The following SH3KBP1 variants were observed in gnomAD, a reference collection of about 807,000 sequenced individuals.
SH3KBP1 encodes SH3 domain containing kinase binding protein 1.
In SH3KBP1, 8 loss-of-function variants were observed where a neutral mutation model predicts 50.1. That is an observed-to-expected ratio of 0.16 (90% CI 0.09 to 0.29). SH3KBP1 has a LOEUF of 0.29. Among genes scored for constraint, SH3KBP1 ranks in the 10% least tolerant of loss-of-function variants. The pLI, the probability that SH3KBP1 is intolerant of heterozygous loss-of-function variation, is 1.00. For missense variants in SH3KBP1, 377 were observed against 535.2 expected, an observed-to-expected ratio of 0.70 and a Z score of 2.92; for synonymous variants, 227 against 218.6, an observed-to-expected ratio of 1.04 and a Z score of -0.34.
intron 2 of SH3KBP1, among the ~76,000 whole-genome samples, chrX:19,804,734 T>C (rs2066983202): frequency 9.2e-6 from 1 of 108,339 alleles, no homozygotes; most frequent in Non-Finnish European, 1.9e-5. Context: ...TTGTTTAAAC[T>C]CCCCCAGGTG....
intron 3 of SH3KBP1, among the ~76,000 whole-genome samples, chrX:19,725,740 T>A (rs1030578613): frequency 7.2e-5 from 8 of 111,527 alleles, no homozygotes; most frequent in Non-Finnish European, 1.1e-4. Flanking sequence ...CCCCTGCACT[T>A]CCCCACTGGA....
chrX:19,634,791 A>G, intron 7 of SH3KBP1, among the ~76,000 whole-genome samples: 1 of 112,126 alleles, frequency 8.9e-6, no homozygotes, highest in Non-Finnish European at 1.9e-5. Context: ...GGACCAGCTA[A>G]GGAGGGGAGA....
intron 3 of SH3KBP1, among the ~76,000 whole-genome samples, chrX:19,727,833 A>C (rs756031283): frequency 9.0e-6 from 1 of 111,644 alleles, no homozygotes; most frequent in East Asian, 2.8e-4. Context: ...AAAATACAAA[A>C]ACGTGCTGGG....
intron 2 of SH3KBP1, among the ~76,000 whole-genome samples, chrX:19,822,658 T>C (rs1418547719): frequency 1.8e-5 from 2 of 112,398 alleles, no homozygotes; most frequent in East Asian, 2.8e-4. Flanking sequence ...TATCTGTTGA[T>C]TGGCTTTTCT....
chrX:19,576,798 T>C lies in SH3KBP1; in HGVS notation c.1299-7610A>G, dbSNP rs778634901. Among the ~76,000 whole-genome samples, 9 of 111,817 alleles carry C rather than the reference T, an allele frequency of 8.0e-5. No homozygotes were observed. The South Asian group carries it at 3.4e-3, about 42-fold the overall frequency. On this transcript the variant is annotated intron_variant, in intron 12 of 17. Transcript: ENST00000397821. ...CGCAGCCCCTTGAGTGAAGGGCTCATTGCCCCTACTGCCTGCTGGGAGTGC... is the reference window on the plus strand; with the variant it reads ...CGCAGCCCCTTGAGTGAAGGGCTCACTGCCCCTACTGCCTGCTGGGAGTGC...
intron 1 of SH3KBP1, among the ~76,000 whole-genome samples, chrX:19,868,265 C>T (rs1054921272): frequency 2.3e-4 from 26 of 111,767 alleles, no homozygotes; most frequent in Middle Eastern, 4.6e-3. Flanking sequence ...CTGTTAGCTT[C>T]GCTGAGGAAG....
intron 2 of SH3KBP1, among the ~76,000 whole-genome samples, chrX:19,811,174 A>C (rs1369637763): frequency 8.9e-6 from 1 of 111,819 alleles, no homozygotes; most frequent in Non-Finnish European, 1.9e-5. Flanking sequence ...TACAGAAATA[A>C]GGATTGAATT....
intron 9 of SH3KBP1, among the ~76,000 whole-genome samples, chrX:19,602,471 T>C (rs2067118776): frequency 8.9e-6 from 1 of 112,001 alleles, no homozygotes; most frequent in Non-Finnish European, 1.9e-5. Context: ...GCTGAGTCAA[T>C]AGGCCATACT....
At chrX:19,761,633 T>C (rs1444864774) in intron 2 of SH3KBP1, among the ~76,000 whole-genome samples, 1 of 111,166 alleles carries the variant, frequency 9.0e-6, no homozygotes. Flanking sequence ...AGAGCAGCAA[T>C]GAATATTATT....
In SH3KBP1 at chrX:19,887,517, G is replaced by A; in HGVS notation, c.-207C>T. On this transcript the variant is annotated 5_prime_UTR_variant, in exon 1 of 18. Coordinates refer to ENST00000397821, the MANE Select transcript of SH3KBP1 (RefSeq NM_031892.3). ...TGCTGCTGCTGCCGCTGCTGCCCCG[G>A]GGCGACTCCTGCTGCTGCTGTTGCA... is the stretch of plus-strand genomic sequence containing the variant. 7.4e-6 allele frequency: 2 copies of A among 272,026 alleles called. No individual in the cohort carries two copies. Among genetic ancestry groups the A allele is most frequent in the Admixed American group, 1.4e-4 (2 of 14,454 alleles). The allele number at this position is 272,026 out of a possible 1,213,427, so 22.4% of individuals were successfully genotyped here.
At position 19,566,591 on chromosome X, in the gene SH3KBP1, C is replaced by T. The variant is rs754447820; in HGVS notation, c.1384+2512G>A. Among the ~76,000 whole-genome samples, 316 of 111,554 alleles carry T rather than the reference C, an allele frequency of 2.8e-3. 3 individuals are homozygous for T. Among genetic ancestry groups the T allele is most frequent in the African/African-American group, 9.9e-3 (303 of 30,674 alleles). ...AAAACAGGGCCCAAATACGAAACTG[C>T]GGTGGTAGAACCGGAACTTAGGCTC... On this transcript the variant is annotated intron_variant, in intron 13 of 17. Transcript: ENST00000397821.
At chrX:19,730,593 C>T (rs2064347939) in intron 3 of SH3KBP1, among the ~76,000 whole-genome samples, 1 of 111,795 alleles carries the variant, frequency 8.9e-6, no homozygotes, top group Non-Finnish European at 1.9e-5. Context: ...GGATTGTCAC[C>T]TCCCTGCTCT....
chrX:19,768,879 T>A (rs2065696370), intron 2 of SH3KBP1, among the ~76,000 whole-genome samples: 1 of 108,947 alleles, frequency 9.2e-6, no homozygotes, highest in African/African-American at 3.3e-5. Context: ...GACATTTTAA[T>A]CTTGTTTTCC....
chrX:19,605,656 G>T (rs1176109329), intron 9 of SH3KBP1, among the ~76,000 whole-genome samples: 2 of 111,633 alleles, frequency 1.8e-5, no homozygotes, highest in Non-Finnish European at 3.8e-5. Flanking sequence ...GGTCTCCATG[G>T]CCCTAAACGC....
intron 6 of SH3KBP1, among the ~76,000 whole-genome samples, chrX:19,657,573 CA>C (rs1486757758): frequency 9.3e-6 from 1 of 107,244 alleles, no homozygotes; most frequent in Non-Finnish European, 1.9e-5. Context: ...ACAAAAAATA[CA>C]AAATTTAGCT....
chrX:19,880,972 C>A (rs982515136), intron 1 of SH3KBP1, among the ~76,000 whole-genome samples: 5 of 111,625 alleles, frequency 4.5e-5, no homozygotes, highest in African/African-American at 1.6e-4. Flanking sequence ...GATATCGACC[C>A]GGTAAGATCC....
Position 19,612,146 on chromosome X carries a change from G to A in SH3KBP1, c.898-4101C>T, listed in dbSNP as rs531942542. On this transcript the variant is annotated intron_variant, in intron 8 of 17. Coordinates refer to ENST00000397821, the MANE Select transcript of SH3KBP1 (RefSeq NM_031892.3). The stretch of plus-strand genomic sequence containing the variant: ...AATAATTTTAACAGCAAAATGAGAA[G>A]TGAAAATAAGTCCTCTTCAACAAAC... Among the ~76,000 whole-genome samples the A allele has an allele frequency of 4.5e-5, 5 of 111,295 alleles. No individual in the cohort carries two copies. In the South Asian group the frequency reaches 1.1e-3, roughly 25 times the overall value.
intron 2 of SH3KBP1, among the ~76,000 whole-genome samples, chrX:19,796,798 T>C (rs1371863974): frequency 9.0e-6 from 1 of 111,647 alleles, no homozygotes; most frequent in Non-Finnish European, 1.9e-5. Context: ...AAACAGAGGG[T>C]TATCCCAGAC....
rs1227606258 is a variant in SH3KBP1 at position 19,534,700 on chromosome X, G to A, written c.*1717C>T. 6.9e-6 allele frequency: 2 copies of A among 291,267 alleles called. No individual in the cohort carries two copies. The highest frequency in any genetic ancestry group is 1.2e-5 in the Non-Finnish European group (2 of 167,926). 24.0% of individuals were successfully genotyped at this position (291,267 alleles called of 1,213,427 possible). A position where few individuals can be genotyped will look rare whatever the true frequency, so the allele number is the denominator to read the frequency against. On this transcript the variant is annotated 3_prime_UTR_variant, in exon 18 of 18. Coordinates refer to ENST00000397821, the MANE Select transcript of SH3KBP1 (RefSeq NM_031892.3). ...ATCCAGGGATGGGAATGGAGGGTATGAGGTTTCCTTCCTTATACACTCCCT... is the reference window on the plus strand; with the variant it reads ...ATCCAGGGATGGGAATGGAGGGTATAAGGTTTCCTTCCTTATACACTCCCT...
Sources: allele counts gnomAD v4.1 joint callset (sites outside exome capture counted in the v4.1 genomes callset), GRCh38; gene constraint gnomAD v4.1.1; transcripts MANE v1.5; gene names NCBI Gene and HGNC (gene_info 2026-07-23, HGNC 2026-07-21).